Variants in FASTKD3 observed in about 807,000 individuals in gnomAD.
FASTKD3 encodes FAST kinase domain-containing protein 3, mitochondrial.
A neutral mutation model predicts 49.7 loss-of-function variants in FASTKD3; 47 were observed. The ratio of observed to expected loss-of-function variants is 0.95; its 90% CI spans 0.75 to 1.21. FASTKD3 has a LOEUF of 1.21. FASTKD3 is among the 50% of genes most tolerant of loss of function. FASTKD3 has a pLI of 0.00. For missense variants in FASTKD3, 748 were observed against 765.7 expected (o/e 0.98, Z 0.27); for synonymous variants, 284 against 288.6 (o/e 0.98, Z 0.16).
At position 7,859,444 on chromosome 5, in the gene FASTKD3, C is replaced by T. The variant is rs1171256688; in HGVS notation, c.1980G>A (p.Leu660=). The T allele has an allele frequency of 3.1e-6, 5 of 1,591,780 alleles. No individual in the cohort carries two copies. The highest frequency in any genetic ancestry group is 4.3e-6 in the Non-Finnish European group (5 of 1,166,048). ...GTTCTGAAGTCAGTATTCATTCTTG[C>T]AACCAATGAACAGTGTTTTGAGAAA... ...KLFSQNTVHW[L]QE The change falls in exon 7 of 7, where the codon TTG becomes TTA. Residue 660 remains leucine (L), a synonymous_variant. Transcript: ENST00000264669.
chr5:7,859,658 A>C, intron 6 of FASTKD3, 119 bp from the exon 7 acceptor site: 5 of 604,824 alleles, frequency 8.3e-6, no homozygotes, highest in Non-Finnish European at 1.4e-5. Flanking sequence ...AGCTCCTGGA[A>C]GGCAAATATC....
intron 4 of FASTKD3, 35 bp from the exon 5 acceptor site, chr5:7,861,687 A>T: frequency 6.3e-7 from 1 of 1,592,832 alleles, no homozygotes; most frequent in Non-Finnish European, 8.6e-7. Context: ...TCCTCGTGTG[A>T]TACCCTCACA....
Position 7,863,625 on chromosome 5 carries a change from A to G in FASTKD3, c.1525-628T>C, listed in dbSNP as rs561000643. Among the ~76,000 whole-genome samples, 14 of 152,350 alleles carry G rather than the reference A, an allele frequency of 9.2e-5. No homozygotes were observed. The East Asian group carries it at 2.7e-3, about 29-fold the overall frequency. ...ATAAGGGATACTCAATCTGTAATGG[A>G]AAATGTGATATAAATGACATTCCAG... On this transcript the variant is annotated intron_variant, in intron 3 of 6. Transcript: ENST00000264669.
chr5:7,861,402 G>T (rs1746520635), intron 5 of FASTKD3, 139 bp from the exon 6 acceptor site: 1 of 598,208 alleles, frequency 1.7e-6, no homozygotes, highest in Non-Finnish European at 2.7e-6. Context: ...TCATGAATTT[G>T]ATCTTATTAA....
In FASTKD3 at chr5:7,867,423, G is replaced by C. The variant is rs1747057645; in HGVS notation, c.661C>G (p.Leu221Val). The C allele has an allele frequency of 6.2e-7, 1 of 1,614,142 alleles. No individual in the cohort carries two copies. The highest frequency in any genetic ancestry group is 2.2e-5 in the East Asian group (1 of 44,874). Residue 221 changes from leucine to valine, a missense_variant, in exon 2 of 7, where the codon CTT becomes GTT. Physicochemically the swap from Leu to Val is conservative, Grantham distance 32 (BLOSUM62 1). Coordinates refer to ENST00000264669, the MANE Select transcript of FASTKD3 (RefSeq NM_024091.4). ...GGMEVRNLCI[L>V]GESLITLHSS... The stretch of plus-strand genomic sequence containing the variant: ...TGCAGTGTAATCAGACTTTCCCCAA[G>C]AATACAAAGATTGCGAACTTCCATG...
At chr5:7,866,349 A>G (rs1305937273) in intron 2 of FASTKD3, among the ~76,000 whole-genome samples, 14 of 151,730 alleles carry the variant, frequency 9.2e-5, no homozygotes, top group Admixed American at 9.2e-4. Flanking sequence ...CTCACTCATC[A>G]AAAGTTCTAA....
chr5:7,868,901 G>A, intron 1 of FASTKD3, 78 bp downstream of exon 1: 2 of 593,346 alleles, frequency 3.4e-6, no homozygotes, highest in African/African-American at 1.8e-5. Context: ...GCCGGGCGGC[G>A]CAGCCTGAGG....
chr5:7,869,031 T>C lies in FASTKD3; in HGVS notation c.-166A>G. The C allele has an allele frequency of 7.2e-7, 1 of 1,390,934 alleles. No individual in the cohort carries two copies. Among genetic ancestry groups the C allele is most frequent in the Non-Finnish European group, 1.0e-6 (1 of 981,652 alleles). The allele number at this position is 1,390,934 out of a possible 1,614,324, so 86.2% of individuals were successfully genotyped here. A position where few individuals can be genotyped will look rare whatever the true frequency, so the allele number is the denominator to read the frequency against. On this transcript the variant is annotated 5_prime_UTR_variant, in exon 1 of 7. Transcript: ENST00000264669. ...TGGTCGCGGAAGCGCCTGGGCGTCG[T>C]GGGCCTCCGTAGCAAACGCGGGGCG...
Position 7,867,124 on chromosome 5 carries a change from T to C in FASTKD3, c.960A>G (p.Lys320=), listed in dbSNP as rs376162181. 8.8e-5 allele frequency: 142 copies of C among 1,614,056 alleles called. No individual in the cohort carries two copies. Among genetic ancestry groups the C allele is most frequent in the Non-Finnish European group, 1.1e-4 (135 of 1,180,048 alleles). ...QAFPLIIKLG[K]YVVRHVPHFT... ...AATGTGGGACATGCCTCACGACATA[T>C]TTGCCCAATTTTATAATCAGAGGAA... Residue 320 remains lysine, a synonymous_variant, in exon 2 of 7, where the codon AAA becomes AAG. Transcript: ENST00000264669.
chr5:7,861,559 G>T (rs1746538640), intron 5 of FASTKD3, 24 bp downstream of exon 5: 3 of 1,524,396 alleles, frequency 2.0e-6, no homozygotes, highest in Non-Finnish European at 2.6e-6. Context: ...CTTGTAATGT[G>T]AAAAACACAA....
rs953478279 is a variant in FASTKD3 at position 7,861,599 on chromosome 5, C to T, written c.1753G>A (p.Glu585Lys). 6.3e-7 allele frequency: 1 copy of T among 1,597,558 alleles called. No individual in the cohort carries two copies. The highest frequency in any genetic ancestry group is 1.7e-4 in the Middle Eastern group (1 of 5,968). ...TTCCTGTACCTTTTATGGATATCTT[C>T]ATTAGCTGTGGATGGCAATACAAAT... ...EGFVLPSTAN[E>K]DIHKRIALCI... Residue 585 changes from glutamate to lysine, a missense_variant, in exon 5 of 7, where the codon GAA (glutamate) becomes AAA (lysine). This residue lies in a region of FASTKD3 where 178 missense variants were observed against 182.2 expected (regional missense o/e 0.98). Transcript: ENST00000264669.
chr5:7,867,655 C>A lies in FASTKD3; in HGVS notation c.429G>T (p.Lys143Asn). ...ALQRICEVEK[K>N]DGDQGLPKEI... ...CTTTTGGCAGCCCTTGATCACCATCCTTTTTTTCCACTTCACAAATTCGTT... is the reference window on the plus strand; with the variant it reads ...CTTTTGGCAGCCCTTGATCACCATCATTTTTTTCCACTTCACAAATTCGTT... The change falls in exon 2 of 7, where the codon AAG becomes AAT. Residue 143 changes from lysine (K) to asparagine (N), a missense_variant. Physicochemically the swap from Lys to Asn is moderately conservative, Grantham distance 94. This residue lies in a region of FASTKD3 where 564 missense variants were observed against 562.8 expected (regional missense o/e 1.00). Transcript: ENST00000264669. The A allele has an allele frequency of 6.2e-7, 1 of 1,614,204 alleles. No homozygotes were observed. Among genetic ancestry groups the A allele is most frequent in the Non-Finnish European group, 8.5e-7 (1 of 1,180,022 alleles).
chr5:7,862,984 A>T lies in FASTKD3; in HGVS notation c.1538T>A (p.Leu513His). 3 of 1,613,764 alleles carry T rather than the reference A, an allele frequency of 1.9e-6. No homozygotes were observed. The highest frequency in any genetic ancestry group is 2.5e-6 in the Non-Finnish European group (3 of 1,179,814). ...ECPFYKGPKLLPKYQVKSFLT... is the reference protein window; with the variant it reads ...ECPFYKGPKLHPKYQVKSFLT... ...AAATGACTTCACTTGATATTTAGGA[A>T]GGAGTTTTGGACCCTAAAAAATCAT... is the stretch of plus-strand genomic sequence containing the variant. The change falls in exon 4 of 7, where the codon CTT (leucine) becomes CAT (histidine). Residue 513 changes from leucine (L) to histidine (H), a missense_variant. Coordinates refer to ENST00000264669, the MANE Select transcript of FASTKD3 (RefSeq NM_024091.4).
At chr5:7,861,796 A>T (rs1247989361) in intron 4 of FASTKD3, 144 bp from the exon 5 acceptor site, 6 of 1,380,340 alleles carry the variant, frequency 4.3e-6, no homozygotes, top group Middle Eastern at 1.8e-4. Context: ...GACCACAACC[A>T]AACAATGGTG....
At chr5:7,862,473 A>G in intron 4 of FASTKD3, among the ~76,000 whole-genome samples, 1 of 152,198 alleles carries the variant, frequency 6.6e-6, no homozygotes, top group Non-Finnish European at 1.5e-5. Flanking sequence ...CCTAGGTTAT[A>G]GTAGTAGCTA....
intron 1 of FASTKD3, among the ~76,000 whole-genome samples, chr5:7,868,767 G>A (rs1249711844): frequency 6.6e-6 from 1 of 152,152 alleles, no homozygotes; most frequent in Non-Finnish European, 1.5e-5. Flanking sequence ...GGGGGGATTT[G>A]GCAACACGTG....
At position 7,860,666 on chromosome 5, in the gene FASTKD3, A is replaced by C. The variant is rs1051682391; in HGVS notation, c.1884+483T>G. Among the ~76,000 whole-genome samples the C allele has an allele frequency of 2.6e-5, 4 of 152,228 alleles. No individual in the cohort carries two copies. In the East Asian group the frequency reaches 7.7e-4, roughly 29 times the overall value. ...GCTGGCAAACCAGTTAGTACTGTAA[A>C]AGCAAATTAAAATGGAGCCTGTGCC... On this transcript the variant is annotated intron_variant, in intron 6 of 6. Coordinates refer to ENST00000264669, the MANE Select transcript of FASTKD3 (RefSeq NM_024091.4).
chr5:7,867,390 C>G lies in FASTKD3; in HGVS notation c.694G>C (p.Gly232Arg). ...ATAATGAGTTCTAGTGTCACACAACCTGAACTGTGCAGTGTAATCAGACTT... is the reference window on the plus strand; with the variant it reads ...ATAATGAGTTCTAGTGTCACACAACGTGAACTGTGCAGTGTAATCAGACTT... The part of the protein sequence containing the change: ...GESLITLHSS[G>R]CVTLELIINQ... The change falls in exon 2 of 7, where the codon GGT (glycine) becomes CGT (arginine). Residue 232 changes from glycine to arginine, a missense_variant. Around this residue, in one of 3 missense-constraint regions of FASTKD3, gnomAD observed 564 missense variants for 562.8 expected, o/e 1.00. Coordinates refer to ENST00000264669, the MANE Select transcript of FASTKD3 (RefSeq NM_024091.4). 1 of 1,614,194 alleles carries G rather than the reference C, an allele frequency of 6.2e-7. No homozygotes were observed. Among genetic ancestry groups the G allele is most frequent in the Non-Finnish European group, 8.5e-7 (1 of 1,180,038 alleles).
At chr5:7,864,273 A>G (rs1746773384) in intron 3 of FASTKD3, among the ~76,000 whole-genome samples, 1 of 147,756 alleles carries the variant, frequency 6.8e-6, no homozygotes, top group Non-Finnish European at 1.5e-5. Context: ...CATGAACATA[A>G]TAAGTATATA....
Sources: allele counts gnomAD v4.1 joint callset (sites outside exome capture counted in the v4.1 genomes callset), GRCh38; gene constraint gnomAD v4.1.1; regional missense constraint gnomAD v4.1.1; transcripts MANE v1.5; gene names NCBI Gene and HGNC (gene_info 2026-07-23, HGNC 2026-07-21).